Variants in MMP16 observed in about 807,000 individuals in gnomAD.
MMP16 encodes the protein matrix metalloproteinase-16.
Under a neutral mutation model 67.8 loss-of-function variants are expected in MMP16, and 12 were observed. The observed-to-expected ratio is 0.18, with a 90% confidence interval of 0.11 to 0.29. The LOEUF (loss-of-function observed/expected upper bound fraction) is 0.29, where lower values mean the gene tolerates loss of function less well. MMP16 is among the 10% of genes least tolerant of loss of function. The pLI, the probability that MMP16 is intolerant of heterozygous loss-of-function variation, is 1.00. For synonymous variants in MMP16, 249 were observed against 255.9 expected (o/e 0.97, Z 0.26); for missense variants, 475 against 765.7 (o/e 0.62, Z 4.48).
chr8:88,226,101 G>A (rs1393092268), intron 1 of MMP16, among the ~76,000 whole-genome samples: 1 of 151,584 alleles, frequency 6.6e-6, no homozygotes, highest in African/African-American at 2.4e-5. Flanking sequence ...AGACTGTCGT[G>A]TGTATACACA....
At chr8:88,280,818 C>T (rs1180632874) in intron 1 of MMP16, among the ~76,000 whole-genome samples, 1 of 152,042 alleles carries the variant, frequency 6.6e-6, no homozygotes, top group South Asian at 2.1e-4. Context: ...TTGGGAGTTT[C>T]AGAGTGCAGG....
chr8:88,080,652 T>C (rs540632748), intron 6 of MMP16, among the ~76,000 whole-genome samples: 1 of 152,192 alleles, frequency 6.6e-6, no homozygotes, highest in South Asian at 2.1e-4. Context: ...GCCAGGCTGG[T>C]CTTGAACTCC....
At chr8:88,312,311 CTA>C (rs28907885) in intron 1 of MMP16, among the ~76,000 whole-genome samples, 7 of 152,214 alleles carry the variant, frequency 4.6e-5, no homozygotes, top group Non-Finnish European at 1.0e-4. Context: ...CATTTTATTT[CTA>C]TAGAATAGTG....
At chr8:88,317,554 G>A (rs1271028712) in intron 1 of MMP16, among the ~76,000 whole-genome samples, 1 of 152,070 alleles carries the variant, frequency 6.6e-6, no homozygotes, top group Non-Finnish European at 1.5e-5. Flanking sequence ...TCACTTCTTT[G>A]TGAATTTCTC....
chr8:88,132,336 T>C (rs535543681), intron 4 of MMP16, among the ~76,000 whole-genome samples: 109 of 152,020 alleles, frequency 7.2e-4, no homozygotes, highest in African/African-American at 2.4e-3. Context: ...ACATAACAAA[T>C]CCACAGCTTA....
intron 1 of MMP16, among the ~76,000 whole-genome samples, chr8:88,208,480 A>G (rs1809463023): frequency 6.6e-6 from 1 of 152,220 alleles, no homozygotes; most frequent in Non-Finnish European, 1.5e-5. Context: ...GGTCACCAAG[A>G]ACCCCATAAA....
chr8:88,126,572 C>A (rs1434133640), intron 4 of MMP16, among the ~76,000 whole-genome samples: 1 of 150,376 alleles, frequency 6.6e-6, no homozygotes, highest in East Asian at 2.0e-4. Context: ...TTCTTGTCAC[C>A]AGAAAAAGAA....
chr8:88,304,314 C>T (rs961623799), intron 1 of MMP16, among the ~76,000 whole-genome samples: 2 of 152,176 alleles, frequency 1.3e-5, no homozygotes, highest in Non-Finnish European at 2.9e-5. Flanking sequence ...ACTGAACCTT[C>T]GACTGACTGG....
chr8:88,171,389 G>A (rs967315616), intron 3 of MMP16, among the ~76,000 whole-genome samples: 21 of 152,226 alleles, frequency 1.4e-4, no homozygotes, highest in African/African-American at 5.1e-4. Context: ...GATGACACTG[G>A]GCCTAGGTTG....
chr8:88,066,577 C>T (rs536826112), intron 7 of MMP16, among the ~76,000 whole-genome samples: 1 of 152,212 alleles, frequency 6.6e-6, no homozygotes, highest in East Asian at 1.9e-4. Context: ...CTGATAGTCA[C>T]ATACACCAAA....
chr8:88,265,556 A>C (rs1014457347), intron 1 of MMP16, among the ~76,000 whole-genome samples: 1 of 152,116 alleles, frequency 6.6e-6, no homozygotes, highest in Non-Finnish European at 1.5e-5. Flanking sequence ...TTATATGTAG[A>C]CTTGGACAAG....
At chr8:88,126,176 C>G (rs1398155234) in intron 4 of MMP16, among the ~76,000 whole-genome samples, 1 of 151,670 alleles carries the variant, frequency 6.6e-6, no homozygotes, top group Non-Finnish European at 1.5e-5. Flanking sequence ...TATTGATAAA[C>G]AATTTATCAT....
At chr8:88,042,180 TG>T (rs1386195369) in intron 9 of MMP16, among the ~76,000 whole-genome samples, 1 of 152,206 alleles carries the variant, frequency 6.6e-6, no homozygotes, top group East Asian at 1.9e-4. Context: ...TGAAAGATGC[TG>T]AAACAGCCTT....
intron 4 of MMP16, among the ~76,000 whole-genome samples, chr8:88,134,864 T>C (rs1808092210): frequency 6.6e-6 from 1 of 151,728 alleles, no homozygotes; most frequent in Admixed American, 6.6e-5. Context: ...TATTTTTATG[T>C]ATTGTTCTAA....
At chr8:88,215,114 AG>A in intron 1 of MMP16, among the ~76,000 whole-genome samples, 1 of 152,252 alleles carries the variant, frequency 6.6e-6, no homozygotes, top group East Asian at 1.9e-4. Context: ...TCACGAGGTC[AG>A]GGGTTCAAGA....
intron 1 of MMP16, among the ~76,000 whole-genome samples, chr8:88,294,227 T>C (rs990121949): frequency 9.3e-5 from 14 of 149,902 alleles, no homozygotes; most frequent in East Asian, 3.9e-4. Context: ...GATATATATA[T>C]ACACACACAT....
At chr8:88,171,768 G>T (rs1026401919) in intron 3 of MMP16, among the ~76,000 whole-genome samples, 45 of 151,516 alleles carry the variant, frequency 3.0e-4, no homozygotes, top group Non-Finnish European at 5.9e-4. Context: ...CATTACTTTA[G>T]GAAGAAAAAA....
intron 1 of MMP16, among the ~76,000 whole-genome samples, chr8:88,313,917 C>T (rs866752116): frequency 4.6e-5 from 7 of 152,218 alleles, no homozygotes; most frequent in Admixed American, 2.6e-4. Flanking sequence ...GACTTATTCA[C>T]TATCACAAGA....
chr8:88,168,619 T>C (rs372706640), intron 3 of MMP16, among the ~76,000 whole-genome samples: 3 of 152,202 alleles, frequency 2.0e-5, no homozygotes, highest in East Asian at 1.9e-4. Context: ...CTGATGCTAA[T>C]AACAAACACA....
Sources: gnomAD v4.1 joint callset for allele counts (sites outside exome capture counted in the v4.1 genomes callset) on GRCh38, gnomAD v4.1.1 for gene constraint, MANE v1.5 for transcripts, NCBI Gene and HGNC (gene_info 2026-07-23, HGNC 2026-07-21) for gene names.